Variants in SLC45A3 observed in about 807,000 individuals in gnomAD.
SLC45A3 encodes the protein solute carrier family 45 member 3, also known as prostate cancer associated protein 2.
Under a neutral mutation model 35.3 loss-of-function variants are expected in SLC45A3, and 17 were observed. The ratio of observed to expected loss-of-function variants is 0.48; its 90% CI spans 0.33 to 0.72. The LOEUF (loss-of-function observed/expected upper bound fraction) is 0.72, where lower values mean the gene tolerates loss of function less well. Among genes scored for constraint, SLC45A3 ranks in the 30% least tolerant of loss-of-function variants. The pLI, the probability that SLC45A3 is intolerant of heterozygous loss-of-function variation, is 0.02. For synonymous variants in SLC45A3, 288 were observed against 334.3 expected (o/e 0.86, Z 1.51); for missense variants, 597 against 731.7 (o/e 0.82, Z 2.12).
intron 1 of SLC45A3, among the ~76,000 whole-genome samples, chr1:205,671,634 A>G (rs6593962): frequency 0.99 from 150,106 of 152,328 alleles, 73,999 homozygotes; most frequent in Middle Eastern, 1. Context: ...CGAGGCAGGC[A>G]GATTACCTGA....
At position 205,662,233 on chromosome 1, in the gene SLC45A3, T is replaced by A; in HGVS notation, c.959-107A>T. ...CAGGTACCTGCTGCACGAGACCTGC[T>A]GTGGACCAGCCCTGCTCCCCAGCAC... On this transcript the variant is annotated intron_variant, in intron 3 of 4. Transcript: ENST00000367145. This position sits in a 1 kb window ranked among gnomAD's most constrained non-coding sequence, Gnocchi z 6.2. 2.0e-6 allele frequency: 3 copies of A among 1,473,364 alleles called. No homozygotes were observed. Among genetic ancestry groups the A allele is most frequent in the Non-Finnish European group, 2.7e-6 (3 of 1,111,306 alleles). 91.3% of individuals were successfully genotyped at this position (1,473,364 alleles called of 1,614,324 possible). A position where few individuals can be genotyped will look rare whatever the true frequency, so the allele number is the denominator to read the frequency against.
At chr1:205,674,980 T>G (rs1048124584) in intron 1 of SLC45A3, among the ~76,000 whole-genome samples, 7 of 152,192 alleles carry the variant, frequency 4.6e-5, no homozygotes, top group Admixed American at 3.3e-4. Flanking sequence ...CCTCCCAAAG[T>G]GCTGGGATTA....
intron 1 of SLC45A3, among the ~76,000 whole-genome samples, chr1:205,668,491 T>C (rs1008251201): frequency 2.0e-5 from 3 of 152,196 alleles, no homozygotes; most frequent in Admixed American, 2.0e-4. Flanking sequence ...CAGATCAGTG[T>C]TGGAACCCCG....
chr1:205,662,177 G>A lies in SLC45A3; in HGVS notation c.959-51C>T, dbSNP rs1558033891. On this transcript the variant is annotated intron_variant, in intron 3 of 4. Coordinates refer to ENST00000367145, the MANE Select transcript of SLC45A3 (RefSeq NM_033102.3). This position sits in a 1 kb window ranked among gnomAD's most constrained non-coding sequence, Gnocchi z 6.2. ...CAGAGCCTGGGAGGGAAGGGTCGGA[G>A]CAGTCTCAGGGAGATGAGAAGGCGG... is the stretch of plus-strand genomic sequence containing the variant. The A allele has an allele frequency of 2.5e-6, 4 of 1,570,244 alleles. No individual in the cohort carries two copies. Among genetic ancestry groups the A allele is most frequent in the Middle Eastern group, 2.0e-4 (1 of 5,128 alleles).
chr1:205,664,813 C>A lies in SLC45A3; in HGVS notation c.-157G>T. On this transcript the variant is annotated 5_prime_UTR_variant, in exon 2 of 5. Transcript: ENST00000367145. This position sits in a 1 kb window ranked among gnomAD's most constrained non-coding sequence, Gnocchi z 5.3. ...TTTCTGCCAGCCCTTTGGTGCCGGTCCAGCTTCTCAGCCCATGCTCAACAC... is the reference window on the plus strand; with the variant it reads ...TTTCTGCCAGCCCTTTGGTGCCGGTACAGCTTCTCAGCCCATGCTCAACAC... 1 of 1,434,804 alleles carries A rather than the reference C, an allele frequency of 7.0e-7. No individual in the cohort carries two copies. Among genetic ancestry groups the A allele is most frequent in the Non-Finnish European group, 9.1e-7 (1 of 1,099,154 alleles). The allele number at this position is 1,434,804 out of a possible 1,614,324, so 88.9% of individuals were successfully genotyped here. A position where few individuals can be genotyped will look rare whatever the true frequency, so the allele number is the denominator to read the frequency against.
At chr1:205,676,681 T>C (rs1671319170) in intron 1 of SLC45A3, among the ~76,000 whole-genome samples, 2 of 152,248 alleles carry the variant, frequency 1.3e-5, no homozygotes, top group South Asian at 4.1e-4. Flanking sequence ...CTTCTTCCCG[T>C]GGAGGGGAAA....
intron 1 of SLC45A3, among the ~76,000 whole-genome samples, chr1:205,675,691 A>C (rs1322166949): frequency 3.3e-5 from 5 of 152,102 alleles, no homozygotes; most frequent in Non-Finnish European, 4.4e-5. Context: ...AAGGGAATTC[A>C]TCAGCACTAG....
chr1:205,664,354 C>G lies in SLC45A3; in HGVS notation c.172+131G>C. Reference sequence around the variant, plus strand: ...TGTGCCCCCTCAGCCCAGGGTCACCCTCCTGCCCAGCAATGCCTTCCCAGC... The same window carrying G: ...TGTGCCCCCTCAGCCCAGGGTCACCGTCCTGCCCAGCAATGCCTTCCCAGC... On this transcript the variant is annotated intron_variant, in intron 2 of 4. Coordinates refer to ENST00000367145, the MANE Select transcript of SLC45A3 (RefSeq NM_033102.3). The surrounding 1 kb of genome is among the most constrained non-coding windows in gnomAD (Gnocchi z 5.3). 1 of 1,250,638 alleles carries G rather than the reference C, an allele frequency of 8.0e-7. No individual in the cohort carries two copies. Among genetic ancestry groups the G allele is most frequent in the Non-Finnish European group, 1.1e-6 (1 of 883,672 alleles). The allele number at this position is 1,250,638 out of a possible 1,614,324, so 77.5% of individuals were successfully genotyped here.
At chr1:205,668,981 T>C (rs1302376165) in intron 1 of SLC45A3, among the ~76,000 whole-genome samples, 1 of 152,090 alleles carries the variant, frequency 6.6e-6, no homozygotes, top group Non-Finnish European at 1.5e-5. Context: ...TACTGGGAGA[T>C]ACATGCCCCT....
At chr1:205,679,877 C>G (rs992660862) in intron 1 of SLC45A3, among the ~76,000 whole-genome samples, 1 of 152,102 alleles carries the variant, frequency 6.6e-6, no homozygotes, top group African/African-American at 2.4e-5. Flanking sequence ...GCTCCCGTCC[C>G]GGCTCCCCCA....
chr1:205,670,616 G>A (rs1341799331), intron 1 of SLC45A3, among the ~76,000 whole-genome samples: 2 of 152,236 alleles, frequency 1.3e-5, no homozygotes, highest in African/African-American at 4.8e-5. Context: ...AGTTCGCCCT[G>A]CTGAGCTGCC....
intron 1 of SLC45A3, among the ~76,000 whole-genome samples, chr1:205,679,783 A>G (rs1178518422): frequency 6.6e-6 from 1 of 151,352 alleles, no homozygotes; most frequent in Non-Finnish European, 1.5e-5. Flanking sequence ...AAGAGGGCTC[A>G]GTCCCCTTTC....
In SLC45A3 at chr1:205,663,198, C is replaced by T. The variant is rs1671060765; in HGVS notation, c.593G>A (p.Cys198Tyr). The T allele has an allele frequency of 6.2e-7, 1 of 1,613,278 alleles. No individual in the cohort carries two copies. The highest frequency in any genetic ancestry group is 8.5e-7 in the Non-Finnish European group (1 of 1,179,972). ...GATGAGGGTGAGCAGGCCAAAGAGG[C>T]ACTCCTCCTGGGTGCCCAGGTAGGG... ...LAPYLGTQEECLFGLLTLIFL... is the reference protein window; with the variant it reads ...LAPYLGTQEEYLFGLLTLIFL... The change falls in exon 3 of 5, where the codon TGC (cysteine) becomes TAC (tyrosine). Residue 198 changes from cysteine (C) to tyrosine (Y), a missense_variant. Around this residue, in one of 3 missense-constraint regions of SLC45A3, gnomAD observed 555 missense variants for 664.9 expected, o/e 0.83. Coordinates refer to ENST00000367145, the MANE Select transcript of SLC45A3 (RefSeq NM_033102.3).
intron 4 of SLC45A3, among the ~76,000 whole-genome samples, chr1:205,661,281 AG>A (rs1671017348): frequency 6.6e-6 from 1 of 151,946 alleles, no homozygotes; most frequent in Non-Finnish European, 1.5e-5. Context: ...TATCTGCCAC[AG>A]GGGAAGGGGA....
chr1:205,670,585 G>A (rs1438329337), intron 1 of SLC45A3, among the ~76,000 whole-genome samples: 1 of 152,202 alleles, frequency 6.6e-6, no homozygotes, highest in East Asian at 1.9e-4. Context: ...CTCCCCCAGG[G>A]CCTGGAGGCC....
Position 205,662,088 on chromosome 1 carries a change from C to T in SLC45A3, c.997G>A (p.Ala333Thr), listed in dbSNP as rs552544292. The T allele has an allele frequency of 3.0e-5, 49 of 1,613,910 alleles. No homozygotes were observed. Among genetic ancestry groups the T allele is most frequent in the African/African-American group, 8.0e-5 (6 of 75,026 alleles). ...ACCAGAGAGAAGACCAGGGAGATGGCGCACTGCAGGAACAGCCCCAGGCTG... is the reference window on the plus strand; with the variant it reads ...ACCAGAGAGAAGACCAGGGAGATGGTGCACTGCAGGAACAGCCCCAGGCTG... Reference protein sequence around the residue: ...MGSLGLFLQCAISLVFSLVMD... With the variant: ...MGSLGLFLQCTISLVFSLVMD... Residue 333 changes from alanine to threonine, a missense_variant, in exon 4 of 5, where the codon GCC (alanine) becomes ACC (threonine). Coordinates refer to ENST00000367145, the MANE Select transcript of SLC45A3 (RefSeq NM_033102.3). This position sits in a 1 kb window ranked among gnomAD's most constrained non-coding sequence, Gnocchi z 6.2.
intron 1 of SLC45A3, among the ~76,000 whole-genome samples, chr1:205,674,154 T>C (rs73078388): frequency 0.01 from 1,480 of 146,592 alleles, 27 homozygotes; most frequent in African/African-American, 0.035. Context: ...CTAGAGGGAA[T>C]GGCCATGTTG....
At chr1:205,663,954 A>C (rs549220564) in intron 2 of SLC45A3, among the ~76,000 whole-genome samples, 4 of 152,288 alleles carry the variant, frequency 2.6e-5, no homozygotes, top group African/African-American at 9.6e-5. Flanking sequence ...GGGTTGTCAC[A>C]CAATGGTTAC....
At position 205,662,524 on chromosome 1, in the gene SLC45A3, C is replaced by T. The variant is rs1671046071; in HGVS notation, c.958+309G>A. The T allele has an allele frequency of 6.2e-6, 8 of 1,291,960 alleles. No individual in the cohort carries two copies. The highest frequency in any genetic ancestry group is 7.8e-6 in the Non-Finnish European group (8 of 1,021,230). The allele number at this position is 1,291,960 out of a possible 1,614,324, so 80.0% of individuals were successfully genotyped here. A position where few individuals can be genotyped will look rare whatever the true frequency, so the allele number is the denominator to read the frequency against. On this transcript the variant is annotated intron_variant, in intron 3 of 4. Transcript: ENST00000367145. The surrounding 1 kb of genome is among the most constrained non-coding windows in gnomAD (Gnocchi z 6.2). ...GCAGAGGGCACACTGCGGCTGGAAC[C>T]AGGCAGATCTGAAATCCAGCCTTAA...
Sources: allele counts gnomAD v4.1 joint callset (sites outside exome capture counted in the v4.1 genomes callset), GRCh38; gene constraint gnomAD v4.1.1; regional missense constraint gnomAD v4.1.1; non-coding constraint Gnocchi (gnomAD v3.1); transcripts MANE v1.5; gene names NCBI Gene and HGNC (gene_info 2026-07-23, HGNC 2026-07-21).